OR10J1: variants seen among roughly 807,000 people sequenced by gnomAD.
OR10J1 encodes olfactory receptor 10J1.
For missense variants in OR10J1, 474 were observed against 376.6 expected (o/e 1.26, Z -2.14); for synonymous variants, 202 against 143.8 (o/e 1.40, Z -2.89).
chr1:159,440,077 G>A lies in OR10J1; in HGVS notation c.286G>A (p.Gly96Arg), dbSNP rs769705412. 6.2e-7 allele frequency: 1 copy of A among 1,614,082 alleles called. No homozygotes were observed. The highest frequency in any genetic ancestry group is 1.1e-5 in the South Asian group (1 of 91,070). The stretch of plus-strand genomic sequence containing the variant: ...TATGAGCCAGCCCATATCATTGGCA[G>A]GGTGTGCCACACAGATGTTCTTTTT... ...VGMSQPISLA[G>R]CATQMFFFVT... Residue 96 changes from glycine to arginine, a missense_variant, in exon 1 of 1, where the codon GGG becomes AGG. Transcript: ENST00000423932.
Position 159,440,687 on chromosome 1 carries a change from C to T in OR10J1, c.896C>T (p.Ala299Val). 1.9e-6 allele frequency: 3 copies of T among 1,613,914 alleles called. No homozygotes were observed. The highest frequency in any genetic ancestry group is 2.5e-6 in the Non-Finnish European group (3 of 1,179,938). The change falls in exon 1 of 1, where the codon GCT (alanine) becomes GTT (valine). Residue 299 changes from alanine (A) to valine (V), a missense_variant. Physicochemically the swap from Ala to Val is moderately conservative, Grantham distance 64. Transcript: ENST00000423932. ...CTGAGAAATAAAGAGGTCAAAGATG[C>T]TCTGTGCAGGGCTGTTGGTGGGAAG... ...YTLRNKEVKD[A>V]LCRAVGGKFS
At chr1:159,413,203 G>A in the OR10J1 span, among the ~76,000 whole-genome samples, 9 of 152,132 alleles carry the variant, frequency 5.9e-5, no homozygotes, top group Admixed American at 5.2e-4. Context: ...GTGCTGGAGA[G>A]GATATGGAGA....
chr1:159,428,054 G>T, the OR10J1 span, among the ~76,000 whole-genome samples: 4 of 152,062 alleles, frequency 2.6e-5, no homozygotes, highest in African/African-American at 9.7e-5. Flanking sequence ...CCTTATATCT[G>T]CCAGAGATCT....
chr1:159,415,188 AT>A, the OR10J1 span, among the ~76,000 whole-genome samples: 1 of 151,962 alleles, frequency 6.6e-6, no homozygotes, highest in Non-Finnish European at 1.5e-5. Context: ...TCTTCTAGTT[AT>A]TTCATAGTTT....
In OR10J1 at chr1:159,440,141, C is replaced by T. The variant is rs767208837; in HGVS notation, c.350C>T (p.Ala117Val). The T allele has an allele frequency of 6.2e-7, 1 of 1,614,146 alleles. No homozygotes were observed. Among genetic ancestry groups the T allele is most frequent in the Non-Finnish European group, 8.5e-7 (1 of 1,180,016 alleles). ...FGITNCFLLT[A>V]MGYDRYVAIC... ...ATCACTAACTGCTTCCTGCTCACAG[C>T]AATGGGATATGACCGCTATGTGGCC... Residue 117 changes from alanine (A) to valine (V), a missense_variant, in exon 1 of 1, where the codon GCA becomes GTA. By Grantham distance (64) the Ala-to-Val change is moderately conservative. Transcript: ENST00000423932.
chr1:159,412,263 C>G, the OR10J1 span, among the ~76,000 whole-genome samples: 4 of 151,664 alleles, frequency 2.6e-5, no homozygotes, highest in Non-Finnish European at 5.9e-5. Flanking sequence ...CCATACTGCC[C>G]AAGGTAATTT....
chr1:159,409,508 T>C, the OR10J1 span, among the ~76,000 whole-genome samples: 3 of 152,096 alleles, frequency 2.0e-5, no homozygotes, highest in African/African-American at 7.2e-5. Flanking sequence ...CACTGAGACT[T>C]ACCTGCCTCT....
the OR10J1 span, among the ~76,000 whole-genome samples, chr1:159,413,019 T>C: frequency 6.6e-6 from 1 of 151,980 alleles, no homozygotes. Flanking sequence ...CATCAAAAAG[T>C]GGGCAAAGGA....
upstream of OR10J1, among the ~76,000 whole-genome samples, chr1:159,433,752 G>T (rs1174256424): frequency 1.3e-5 from 2 of 152,146 alleles, no homozygotes; most frequent in Non-Finnish European, 2.9e-5. Context: ...CTCTGCTTCT[G>T]CGGAACCTGA....
the OR10J1 span, among the ~76,000 whole-genome samples, chr1:159,410,058 A>C: frequency 6.6e-6 from 1 of 152,142 alleles, no homozygotes; most frequent in East Asian, 1.9e-4. Context: ...CCACTTGATC[A>C]TGGTGGATAA....
chr1:159,407,654 T>A, the OR10J1 span, among the ~76,000 whole-genome samples: 1 of 152,134 alleles, frequency 6.6e-6, no homozygotes, highest in African/African-American at 2.4e-5. Context: ...TATAACTTAT[T>A]CAATGTGGTT....
the OR10J1 span, among the ~76,000 whole-genome samples, chr1:159,427,339 T>TA: frequency 6.6e-6 from 1 of 151,450 alleles, no homozygotes; most frequent in Admixed American, 6.6e-5. Flanking sequence ...TAAAGAAAAC[T>TA]AAAAAAATAG....
At chr1:159,404,070 T>C in the OR10J1 span, among the ~76,000 whole-genome samples, 1 of 151,872 alleles carries the variant, frequency 6.6e-6, no homozygotes, top group African/African-American at 2.4e-5. Flanking sequence ...ATCAAAACAA[T>C]TGAACTCATG....
At chr1:159,405,902 C>T in the OR10J1 span, 1 of 570,768 alleles carries the variant, frequency 1.8e-6, no homozygotes, top group East Asian at 3.6e-5. Flanking sequence ...GTTACTTGGA[C>T]AATAGCCATG....
chr1:159,397,957 C>A, the OR10J1 span, among the ~76,000 whole-genome samples: 30 of 152,354 alleles, frequency 2.0e-4, no homozygotes, highest in South Asian at 5.0e-3. Flanking sequence ...AGCCCCAGCA[C>A]TATCCTGGCT....
chr1:159,407,957 C>T, the OR10J1 span, among the ~76,000 whole-genome samples: 1 of 151,962 alleles, frequency 6.6e-6, no homozygotes, highest in East Asian at 1.9e-4. Context: ...GTAAGGGGTG[C>T]TATGATAGAG....
chr1:159,405,868 CA>C, the OR10J1 span: 2 of 719,684 alleles, frequency 2.8e-6, no homozygotes, highest in Admixed American at 4.2e-5. Flanking sequence ...AAAGTCATCA[CA>C]AAAGGGCAGG....
the OR10J1 span, among the ~76,000 whole-genome samples, chr1:159,426,409 C>A: frequency 6.6e-6 from 1 of 151,600 alleles, no homozygotes; most frequent in East Asian, 1.9e-4. Flanking sequence ...TCATAACAAA[C>A]AAAATATTAT....
At chr1:159,410,617 C>T in the OR10J1 span, among the ~76,000 whole-genome samples, 1,315 of 151,622 alleles carry the variant, frequency 8.7e-3, 18 homozygotes, top group African/African-American at 0.031. Flanking sequence ...TGCTAGCAGT[C>T]TATCAATTTT....
Sources: gnomAD v4.1 joint callset for allele counts (sites outside exome capture counted in the v4.1 genomes callset) on GRCh38, gnomAD v4.1.1 for gene constraint, MANE v1.5 for transcripts, NCBI Gene and HGNC (gene_info 2026-07-23, HGNC 2026-07-21) for gene names.